FXR1: variants seen among roughly 807,000 people sequenced by gnomAD.
FXR1 encodes FMR1 autosomal homolog 1, also known as RNA-binding protein FXR1.
A neutral mutation model predicts 84.0 loss-of-function variants in FXR1; 15 were observed. That is an observed-to-expected ratio of 0.18 (90% CI 0.12 to 0.27). FXR1 has a LOEUF of 0.27. Ranked by LOEUF, FXR1 falls within the 10% of genes least tolerant of loss-of-function variation. The pLI is 1.00. For synonymous variants in FXR1, 245 were observed against 250.7 expected, an observed-to-expected ratio of 0.98 and a Z score of 0.21; for missense variants, 480 against 774.4, an observed-to-expected ratio of 0.62 and a Z score of 4.51.
intron 1 of FXR1, among the ~76,000 whole-genome samples, chr3:180,920,077 A>C (rs1718393991): frequency 6.6e-6 from 1 of 152,162 alleles, no homozygotes; most frequent in Non-Finnish European, 1.5e-5. Context: ...CCATTAGTAA[A>C]ATAGCTGATG....
intron 1 of FXR1, among the ~76,000 whole-genome samples, chr3:180,925,133 T>C (rs899417385): frequency 2.0e-5 from 3 of 151,968 alleles, no homozygotes; most frequent in East Asian, 3.9e-4. Context: ...GGGGCTGAGG[T>C]GGGTGGATCA....
At chr3:180,968,365 A>G (rs958966034) in intron 14 of FXR1, 111 bp downstream of exon 14, 3 of 711,594 alleles carry the variant, frequency 4.2e-6, no homozygotes, top group Non-Finnish European at 4.9e-6. Context: ...CTTGCTACTC[A>G]TTGTCTTAGA....
At chr3:180,927,803 T>A in intron 1 of FXR1, 1 of 429,398 alleles carries the variant, frequency 2.3e-6, no homozygotes, top group Admixed American at 4.1e-5. Context: ...AATTACATTT[T>A]TTCCTGTGAA....
At position 180,976,303 on chromosome 3, in the gene FXR1, T is replaced by C. The variant is rs567252017; in HGVS notation, c.*11T>C. 10 of 1,555,012 alleles carry C rather than the reference T, an allele frequency of 6.4e-6. No homozygotes were observed. The highest frequency in any genetic ancestry group is 8.7e-6 in the Non-Finnish European group (10 of 1,145,966). The stretch of plus-strand genomic sequence containing the variant: ...AATGGTGTTTCATAAACTGAAGAAG[T>C]TCCTAGTTTACAGTTCTTTTACATT... On this transcript the variant is annotated 3_prime_UTR_variant, in exon 17 of 17. Transcript: ENST00000357559.
At chr3:180,947,302 C>A (rs1192840452) in intron 3 of FXR1, among the ~76,000 whole-genome samples, 1 of 152,226 alleles carries the variant, frequency 6.6e-6, no homozygotes, top group East Asian at 1.9e-4. Flanking sequence ...CCACCTTGGC[C>A]TCCCAAAGTG....
At chr3:180,950,753 A>G (rs1035087367) in intron 7 of FXR1, among the ~76,000 whole-genome samples, 2 of 152,124 alleles carry the variant, frequency 1.3e-5, no homozygotes, top group Non-Finnish European at 2.9e-5. Context: ...TGTGACTGGC[A>G]TATTTTACTT....
At chr3:180,944,253 C>G (rs1234239938) in intron 3 of FXR1, among the ~76,000 whole-genome samples, 1 of 151,874 alleles carries the variant, frequency 6.6e-6, no homozygotes, top group African/African-American at 2.4e-5. Flanking sequence ...CTTGGGAAAA[C>G]AGTCATCACT....
chr3:180,958,002 G>C (rs966110541), intron 10 of FXR1, 74 bp downstream of exon 10: 4 of 652,386 alleles, frequency 6.1e-6, no homozygotes, highest in Non-Finnish European at 1.1e-5. Context: ...TAAACATTTT[G>C]TCTGTTTTAT....
intron 1 of FXR1, among the ~76,000 whole-genome samples, chr3:180,926,873 C>T (rs1719291527): frequency 1.3e-5 from 2 of 151,854 alleles, no homozygotes; most frequent in South Asian, 4.1e-4. Flanking sequence ...GGTTACTTTC[C>T]AGTCAAAGGA....
intron 1 of FXR1, among the ~76,000 whole-genome samples, chr3:180,929,709 C>A (rs143545038): frequency 6.6e-6 from 1 of 152,104 alleles, no homozygotes; most frequent in Non-Finnish European, 1.5e-5. Context: ...CTTGAGCAGG[C>A]GGGGAGACCT....
intron 3 of FXR1, among the ~76,000 whole-genome samples, chr3:180,935,520 C>CT (rs1720421723): frequency 6.6e-6 from 1 of 152,214 alleles, no homozygotes; most frequent in Non-Finnish European, 1.5e-5. Context: ...ACGCTATGCA[C>CT]TATGGTGTTA....
At chr3:180,955,203 C>T (rs968547412) in intron 9 of FXR1, among the ~76,000 whole-genome samples, 1 of 151,990 alleles carries the variant, frequency 6.6e-6, no homozygotes, top group African/African-American at 2.4e-5. Flanking sequence ...CCATATTGGC[C>T]AGGCTGGTCT....
chr3:180,942,377 CAAAAAAAA>C (rs765066164), intron 3 of FXR1, among the ~76,000 whole-genome samples: 11 of 31,128 alleles, frequency 3.5e-4, no homozygotes, highest in South Asian at 2.1e-3. Context: ...GACTCCGTCT[CAAAAAAAA>C]AAAAAAAAAA....
chr3:180,975,375 G>A lies in FXR1; in HGVS notation c.1666G>A (p.Glu556Lys). ...SQSRQRNLPRETLAKNKKEMA... is the reference protein window; with the variant it reads ...SQSRQRNLPRKTLAKNKKEMA... ...GAGCAGACAAAGAAACCTCCCAAGG[G>A]AAACTTTGGCTAAAAACAAGAAAGA... The change falls in exon 16 of 17, where the codon GAA (glutamate) becomes AAA (lysine). Residue 556 changes from glutamate to lysine, a missense_variant. Glu to Lys is a moderately conservative substitution (Grantham distance 56). Around this residue, in one of 6 missense-constraint regions of FXR1, gnomAD observed 94 missense variants for 81.8 expected, o/e 1.15. Coordinates refer to ENST00000357559, the MANE Select transcript of FXR1 (RefSeq NM_005087.4). 1 of 1,518,930 alleles carries A rather than the reference G, an allele frequency of 6.6e-7. No homozygotes were observed. Among genetic ancestry groups the A allele is most frequent in the Non-Finnish European group, 9.0e-7 (1 of 1,105,052 alleles). 94.1% of individuals were successfully genotyped at this position (1,518,930 alleles called of 1,614,324 possible).
intron 1 of FXR1, chr3:180,915,390 T>G (rs1267722081): frequency 1.4e-6 from 1 of 693,240 alleles, no homozygotes; most frequent in Admixed American, 3.1e-5. Flanking sequence ...CCCCATAGTT[T>G]TTCTTATTCA....
At chr3:180,949,380 C>A (rs1332743455) in intron 7 of FXR1, 37 bp downstream of exon 7, 14 of 981,342 alleles carry the variant, frequency 1.4e-5, no homozygotes, top group Admixed American at 6.8e-5. Context: ...TTTCTGTGTC[C>A]CATTTAGTTT....
chr3:180,961,564 C>T lies in FXR1; in HGVS notation c.1077+10C>T, dbSNP rs778899722. On this transcript the variant is annotated intron_variant, in intron 11 of 16. Transcript: ENST00000357559. ...TATTGCCTATCTAAAGGTTTGTATA[C>T]GGTTCATACTATATTCTGATATTGT... The T allele has an allele frequency of 1.7e-5, 21 of 1,205,504 alleles. No individual in the cohort carries two copies. The highest frequency in any genetic ancestry group is 3.4e-5 in the Admixed American group (2 of 58,500). 74.7% of individuals were successfully genotyped at this position (1,205,504 alleles called of 1,614,324 possible).
In FXR1 at chr3:180,982,665, GTC is replaced by G. The variant is rs1714668654; in HGVS notation, c.*6376_*6377del. 6.6e-6 allele frequency: 1 copy of G among 152,054 alleles called. No homozygotes were observed. The highest frequency in any genetic ancestry group is 2.4e-5 in the African/African-American group (1 of 41,422). 9.4% of individuals were successfully genotyped at this position (152,054 alleles called of 1,614,324 possible). ...CTGTCTTTGAAAAATTTTCTTTTAA[GTC>G]TCAACTATTTCTTCATAAAGCTCTT... On this transcript the variant is annotated 3_prime_UTR_variant, in exon 17 of 17. Coordinates refer to ENST00000357559, the MANE Select transcript of FXR1 (RefSeq NM_005087.4).
intron 3 of FXR1, among the ~76,000 whole-genome samples, chr3:180,938,179 A>C (rs1156438807): frequency 1.3e-5 from 2 of 152,228 alleles, no homozygotes; most frequent in Admixed American, 1.3e-4. Context: ...GCCAGAGTTA[A>C]AGTTAATATT....
Sources: gnomAD v4.1 joint callset for allele counts (sites outside exome capture counted in the v4.1 genomes callset) on GRCh38, gnomAD v4.1.1 for gene constraint, gnomAD v4.1.1 regional missense constraint, MANE v1.5 for transcripts, NCBI Gene and HGNC (gene_info 2026-07-23, HGNC 2026-07-21) for gene names.